TMX3: variants seen among roughly 807,000 people sequenced by gnomAD.
TMX3 encodes the protein protein disulfide-isomerase TMX3.
In TMX3, 40 loss-of-function variants were observed where a neutral mutation model predicts 64.4. The observed-to-expected ratio is 0.62, with a 90% CI of 0.48 to 0.81. TMX3 has a LOEUF of 0.81. TMX3 is among the 30% of genes least tolerant of loss of function. The probability of loss-of-function intolerance (pLI) is 0.00; values close to 1 mark genes in which losing one functional copy is unlikely to be tolerated. For synonymous variants in TMX3, 189 were observed against 175.7 expected (o/e 1.08, Z -0.60); for missense variants, 497 against 534.5 (o/e 0.93, Z 0.69).
intron 4 of TMX3, among the ~76,000 whole-genome samples, chr18:68,702,175 CAAAAAAA>C (rs375234012): frequency 2.3e-5 from 1 of 44,036 alleles, no homozygotes; most frequent in Non-Finnish European, 4.5e-5. Context: ...TTACTCCTCT[CAAAAAAA>C]AAAAAAAAAA....
chr18:68,679,682 G>GT (rs1913238010), intron 14 of TMX3, 151 bp from the exon 15 acceptor site: 2 of 609,248 alleles, frequency 3.3e-6, no homozygotes, highest in South Asian at 2.2e-5. Context: ...TTACTGTGTT[G>GT]TTTTTTGTCT....
chr18:68,682,735 A>G (rs1035362158), intron 13 of TMX3, among the ~76,000 whole-genome samples, 190 bp downstream of exon 13: 3 of 151,792 alleles, frequency 2.0e-5, no homozygotes, highest in African/African-American at 7.3e-5. Context: ...CTATAGACCA[A>G]TATTAAAGTC....
intron 14 of TMX3, 116 bp downstream of exon 14, chr18:68,680,865 C>T: frequency 1.0e-6 from 1 of 974,308 alleles, no homozygotes; most frequent in Non-Finnish European, 1.4e-6. Context: ...GGAGGTCCAG[C>T]CCTCTACTCC....
chr18:68,700,773 G>C (rs1486847882), intron 5 of TMX3: 4 of 985,022 alleles, frequency 4.1e-6, no homozygotes, highest in Non-Finnish European at 4.8e-6. Context: ...CACATTCATG[G>C]TCAAGAGCTT....
chr18:68,715,100 G>T lies in TMX3; in HGVS notation c.-119C>A. 3 of 1,517,570 alleles carry T rather than the reference G, an allele frequency of 2.0e-6. No homozygotes were observed. The allele number at this position is 1,517,570 out of a possible 1,614,324, so 94.0% of individuals were successfully genotyped here. Reference sequence around the variant, plus strand: ...CGACCCGGAGCGGAAGAGAAGCACCGCGCTAACTACGGGGGCGGGGCTACC... The same window carrying T: ...CGACCCGGAGCGGAAGAGAAGCACCTCGCTAACTACGGGGGCGGGGCTACC... On this transcript the variant is annotated 5_prime_UTR_variant, in exon 1 of 16. Transcript: ENST00000299608.
At chr18:68,687,582 AAATTC>A in intron 10 of TMX3, 80 bp downstream of exon 10, 1 of 1,532,920 alleles carries the variant, frequency 6.5e-7, no homozygotes. Flanking sequence ...AATAGAGCTT[AAATTC>A]ATTTCCTACA....
In TMX3 at chr18:68,713,856, A is replaced by T; in HGVS notation, c.91T>A (p.Leu31Ile). The T allele has an allele frequency of 6.4e-7, 1 of 1,558,154 alleles. No homozygotes were observed. Among genetic ancestry groups the T allele is most frequent in the Non-Finnish European group, 8.8e-7 (1 of 1,138,772 alleles). The change falls in exon 2 of 16, where the codon TTA becomes ATA. Residue 31 changes from leucine (L) to isoleucine (I), a missense_variant. Transcript: ENST00000299608. ...MVVCKGFVED[L>I]DESFKENRND... The stretch of plus-strand genomic sequence containing the variant: ...TATATGTATACTCACGATTCATCTA[A>T]ATCTTCTACAAATCCTTTACAGACG...
intron 10 of TMX3, among the ~76,000 whole-genome samples, chr18:68,685,841 G>A (rs1376896485): frequency 6.6e-6 from 1 of 152,154 alleles, no homozygotes; most frequent in African/African-American, 2.4e-5. Flanking sequence ...TTTTCCTAAG[G>A]AAGCAGTATT....
chr18:68,714,209 G>T (rs2031642014), intron 1 of TMX3: 3 of 185,040 alleles, frequency 1.6e-5, no homozygotes, highest in African/African-American at 2.3e-5. Flanking sequence ...CTATCTTTTT[G>T]GAATACAAAT....
chr18:68,693,903 T>A (rs1014769643), intron 8 of TMX3, among the ~76,000 whole-genome samples: 1 of 152,078 alleles, frequency 6.6e-6, no homozygotes, highest in Non-Finnish European at 1.5e-5. Context: ...TGGCCACCCA[T>A]GGACCATTCA....
chr18:68,677,203 G>A lies in TMX3; in HGVS notation c.1105-10C>T. ...AGCTCTTGAATATAGACTGTGGAAA[G>A]AGAATTAAAACTCAGTTCCCTTCAC... is the stretch of plus-strand genomic sequence containing the variant. On this transcript the variant is annotated splice_polypyrimidine_tract_variant and intron_variant, in intron 15 of 15. Coordinates refer to ENST00000299608, the MANE Select transcript of TMX3 (RefSeq NM_019022.5). 6.2e-7 allele frequency: 1 copy of A among 1,608,938 alleles called. No individual in the cohort carries two copies. The highest frequency in any genetic ancestry group is 8.5e-7 in the Non-Finnish European group (1 of 1,177,802).
At chr18:68,710,416 T>C (rs558688515) in intron 3 of TMX3, among the ~76,000 whole-genome samples, 3 of 152,280 alleles carry the variant, frequency 2.0e-5, no homozygotes, top group South Asian at 4.1e-4. Flanking sequence ...ACAATAAAAA[T>C]GTCTTTACTT....
At chr18:68,714,861 G>A (rs2031783629) in intron 1 of TMX3, 75 bp downstream of exon 1, 3 of 1,541,690 alleles carry the variant, frequency 1.9e-6, no homozygotes, top group South Asian at 1.2e-5. Context: ...CCCCAGACCC[G>A]GGTCCAATCC....
At chr18:68,709,274 TATG>T (rs1286420938) in intron 4 of TMX3, among the ~76,000 whole-genome samples, 1 of 152,160 alleles carries the variant, frequency 6.6e-6, no homozygotes, top group Non-Finnish European at 1.5e-5. Flanking sequence ...TTCCAAATTC[TATG>T]ATACCTCACA....
intron 5 of TMX3, 175 bp from the exon 6 acceptor site, chr18:68,700,660 T>C: frequency 1.1e-6 from 1 of 879,610 alleles, no homozygotes. Context: ...AGAGGACCAG[T>C]AACACAAAAG....
At position 68,688,549 on chromosome 18, in the gene TMX3, T is replaced by C. The variant is rs183575520; in HGVS notation, c.638-784A>G. 5.5e-4 allele frequency: 84 copies of C among 152,302 alleles called. No homozygotes were observed. The Middle Eastern group carries it at 0.01, about 19-fold the overall frequency. 9.4% of individuals were successfully genotyped at this position (152,302 alleles called of 1,614,324 possible). A position where few individuals can be genotyped will look rare whatever the true frequency, so the allele number is the denominator to read the frequency against. On this transcript the variant is annotated intron_variant, in intron 9 of 15. Coordinates refer to ENST00000299608, the MANE Select transcript of TMX3 (RefSeq NM_019022.5). ...GTCTATAAAAGCCTACCAATACATC[T>C]GGTTGAAGAATGGATTTTAATGACC...
rs546417550 is a variant in TMX3, at chr18:68,674,021, ACT to A, written c.*2910_*2911del. ...TATGAAGCAATGATGAAAATATGTT[ACT>A]TTTTGCAACACCAAAATAAAAAGGT... is the stretch of plus-strand genomic sequence containing the variant. On this transcript the variant is annotated 3_prime_UTR_variant, in exon 16 of 16. Coordinates refer to ENST00000299608, the MANE Select transcript of TMX3 (RefSeq NM_019022.5). 3.5e-4 allele frequency: 54 copies of A among 152,252 alleles called. 1 individual carries two copies. Among genetic ancestry groups the A allele is most frequent in the Admixed American group, 1.5e-3 (23 of 15,286 alleles). The allele number at this position is 152,252 out of a possible 1,614,324, so 9.4% of individuals were successfully genotyped here.
At chr18:68,687,843 G>T in intron 9 of TMX3, 78 bp from the exon 10 acceptor site, 2 of 1,016,262 alleles carry the variant, frequency 2.0e-6, no homozygotes, top group Non-Finnish European at 1.4e-6. Context: ...TCTGATAATA[G>T]GTATAAAACG....
rs762634067 is a variant in TMX3 at position 68,700,457 on chromosome 18, T to C, written c.340A>G (p.Arg114Gly). Reference protein sequence around the residue: ...LLKGDLAYNYRGPRTKDDIIE... With the variant: ...LLKGDLAYNYGGPRTKDDIIE... ...ATATCATCTTTTGTTCGTGGTCCTC[T>C]ATAATTATATGCCAAGTCCCCTTTT... Residue 114 changes from arginine (R) to glycine (G), a missense_variant, in exon 6 of 16, where the codon AGA becomes GGA. By Grantham distance (125) the Arg-to-Gly change is moderately radical. Around this residue, in one of 3 missense-constraint regions of TMX3, gnomAD observed 360 missense variants for 383.5 expected, o/e 0.94. Coordinates refer to ENST00000299608, the MANE Select transcript of TMX3 (RefSeq NM_019022.5). 1.9e-6 allele frequency: 3 copies of C among 1,573,998 alleles called. No homozygotes were observed. The highest frequency in any genetic ancestry group is 2.3e-5 in the East Asian group (1 of 43,868).
Sources: allele counts gnomAD v4.1 joint callset (sites outside exome capture counted in the v4.1 genomes callset), GRCh38; gene constraint gnomAD v4.1.1; regional missense constraint gnomAD v4.1.1; transcripts MANE v1.5; gene names NCBI Gene and HGNC (gene_info 2026-07-23, HGNC 2026-07-21).